The following ZNF385D variants were observed in gnomAD, a reference collection of about 807,000 sequenced individuals.
ZNF385D encodes zinc finger protein 385D, also known as zinc finger protein 659.
Under a neutral mutation model 35.8 loss-of-function variants are expected in ZNF385D, and 15 were observed. The ratio of observed to expected loss-of-function variants is 0.42; its 90% CI spans 0.28 to 0.64. The LOEUF (loss-of-function observed/expected upper bound fraction) is 0.64. Ranked by LOEUF, ZNF385D falls within the 30% of genes least tolerant of loss-of-function variation. The pLI is 0.23. For missense variants in ZNF385D, 474 were observed against 494.6 expected, an observed-to-expected ratio of 0.96 and a Z score of 0.39; for synonymous variants, 212 against 186.8, an observed-to-expected ratio of 1.13 and a Z score of -1.10.
intron 1 of ZNF385D, among the ~76,000 whole-genome samples, chr3:21,705,533 G>C (rs1471410448): frequency 6.6e-6 from 1 of 152,184 alleles, no homozygotes; most frequent in Non-Finnish European, 1.5e-5. Flanking sequence ...CTTTCAATTT[G>C]TGTAATGTAG....
intron 1 of ZNF385D, among the ~76,000 whole-genome samples, chr3:21,696,368 T>C (rs1270949325): frequency 6.6e-6 from 1 of 152,246 alleles, no homozygotes; most frequent in African/African-American, 2.4e-5. Flanking sequence ...TGCCTAAGCA[T>C]GCTGGCGATA....
chr3:21,573,967 G>A (rs1407124484), intron 2 of ZNF385D, among the ~76,000 whole-genome samples: 2 of 150,636 alleles, frequency 1.3e-5, no homozygotes, highest in Non-Finnish European at 2.9e-5. Flanking sequence ...GGCTGAGTCA[G>A]GAGAATCTCT....
intron 2 of ZNF385D, among the ~76,000 whole-genome samples, chr3:22,329,542 A>C (rs929004984): frequency 1.3e-5 from 2 of 152,324 alleles, no homozygotes; most frequent in East Asian, 3.9e-4. Context: ...TTGATGCTAC[A>C]TATACCTAAT....
intron 3 of ZNF385D, among the ~76,000 whole-genome samples, chr3:21,800,780 T>G (rs2072360341): frequency 6.6e-6 from 1 of 152,174 alleles, no homozygotes; most frequent in African/African-American, 2.4e-5. Context: ...AGTTTTTTTG[T>G]GGATTCCTTA....
At chr3:21,902,509 A>G (rs1158229389) in intron 3 of ZNF385D, among the ~76,000 whole-genome samples, 1 of 152,184 alleles carries the variant, frequency 6.6e-6, no homozygotes, top group Admixed American at 6.6e-5. Context: ...GTTTTCTCCT[A>G]TTCCTTTTCC....
chr3:21,716,187 T>C (rs931065895), intron 1 of ZNF385D, among the ~76,000 whole-genome samples: 1 of 152,044 alleles, frequency 6.6e-6, no homozygotes, highest in African/African-American at 2.4e-5. Flanking sequence ...CTGAAATATT[T>C]TGATAGCTTT....
At chr3:21,774,123 C>T (rs182420547) in intron 3 of ZNF385D, among the ~76,000 whole-genome samples, 3 of 152,012 alleles carry the variant, frequency 2.0e-5, no homozygotes, top group Admixed American at 1.3e-4. Context: ...TTTTCAGGGA[C>T]ATGGATGGAG....
chr3:21,738,352 A>G (rs1470101376), intron 1 of ZNF385D, among the ~76,000 whole-genome samples: 4 of 152,162 alleles, frequency 2.6e-5, no homozygotes, highest in South Asian at 2.1e-4. Flanking sequence ...TCTCATTTTA[A>G]TCTCACTGTA....
intron 3 of ZNF385D, among the ~76,000 whole-genome samples, chr3:21,553,495 G>A (rs1335153510): frequency 5.3e-5 from 8 of 152,178 alleles, no homozygotes; most frequent in Non-Finnish European, 1.0e-4. Flanking sequence ...CTGGTGGAGG[G>A]TCTTGCCTCA....
chr3:21,846,237 A>G (rs149820324), intron 3 of ZNF385D, among the ~76,000 whole-genome samples: 1 of 152,124 alleles, frequency 6.6e-6, no homozygotes, highest in African/African-American at 2.4e-5. Flanking sequence ...TTCTGTTTGG[A>G]ATTTCTCTAG....
At chr3:21,877,106 T>A (rs1698020298) in intron 3 of ZNF385D, among the ~76,000 whole-genome samples, 1 of 152,096 alleles carries the variant, frequency 6.6e-6, no homozygotes, top group Non-Finnish European at 1.5e-5. Context: ...TCGCCTGCCC[T>A]AAGTGACCTG....
chr3:21,808,049 A>G (rs917043749), intron 3 of ZNF385D, among the ~76,000 whole-genome samples: 1 of 152,184 alleles, frequency 6.6e-6, no homozygotes, highest in Non-Finnish European at 1.5e-5. Context: ...TTTTACTGTT[A>G]TCATTGCTCT....
chr3:22,250,791 C>T (rs971177924), intron 2 of ZNF385D, among the ~76,000 whole-genome samples: 2 of 152,048 alleles, frequency 1.3e-5, no homozygotes, highest in African/African-American at 4.8e-5. Flanking sequence ...GCAAAATGTG[C>T]TGTCAGTGGA....
chr3:21,971,890 G>C (rs1187047076), intron 3 of ZNF385D, among the ~76,000 whole-genome samples: 1 of 151,726 alleles, frequency 6.6e-6, no homozygotes, highest in African/African-American at 2.4e-5. Flanking sequence ...AATGATAAAG[G>C]GATGAATAAG....
At chr3:22,147,012 C>T (rs984022300) in intron 3 of ZNF385D, among the ~76,000 whole-genome samples, 2 of 152,134 alleles carry the variant, frequency 1.3e-5, no homozygotes, top group African/African-American at 2.4e-5. Flanking sequence ...CAAAAAGCTA[C>T]ACTCTGGTTG....
At chr3:22,205,839 G>A (rs1697113377) in intron 2 of ZNF385D, among the ~76,000 whole-genome samples, 1 of 151,990 alleles carries the variant, frequency 6.6e-6, no homozygotes, top group Non-Finnish European at 1.5e-5. Flanking sequence ...AGGAAAGAAA[G>A]AAGGAAGAGA....
At chr3:22,117,573 TA>T (rs1001056055) in intron 3 of ZNF385D, among the ~76,000 whole-genome samples, 26 of 145,412 alleles carry the variant, frequency 1.8e-4, no homozygotes, top group African/African-American at 5.8e-4. Flanking sequence ...TTTATTCCAC[TA>T]TTTTTTTTTT....
chr3:21,838,172 T>C (rs949421809), intron 3 of ZNF385D, among the ~76,000 whole-genome samples: 1 of 152,052 alleles, frequency 6.6e-6, no homozygotes, highest in African/African-American at 2.4e-5. Flanking sequence ...TGTTACAAAA[T>C]TGGTTTGTGT....
At chr3:21,780,498 T>C (rs17029439) in intron 3 of ZNF385D, among the ~76,000 whole-genome samples, 80,233 of 151,866 alleles carry the variant, frequency 0.53, 22,414 homozygotes, top group Middle Eastern at 0.67. Flanking sequence ...TTATTGGTTT[T>C]ACTAATTTAC....
Sources: gnomAD v4.1 joint callset for allele counts (sites outside exome capture counted in the v4.1 genomes callset) on GRCh38, gnomAD v4.1.1 for gene constraint, MANE v1.5 for transcripts, NCBI Gene and HGNC (gene_info 2026-07-23, HGNC 2026-07-21) for gene names.